The following RNF182 variants were observed in gnomAD, a reference collection of about 807,000 sequenced individuals.
The protein encoded by RNF182 is ring finger protein 182.
RNF182 carries 15 observed loss-of-function variants against 14.4 expected under a neutral mutation model. The observed-to-expected ratio is 1.04, with a 90% confidence interval of 0.70 to 1.60. The LOEUF (loss-of-function observed/expected upper bound fraction) is 1.60. RNF182 is among the 40% of genes most tolerant of loss of function. RNF182 has a pLI of 0.00. For missense variants in RNF182, 268 were observed against 294.8 expected, an observed-to-expected ratio of 0.91 and a Z score of 0.67; for synonymous variants, 128 against 122.9, an observed-to-expected ratio of 1.04 and a Z score of -0.27.
At chr6:13,929,944 A>G (rs1442404290) in intron 1 of RNF182, among the ~76,000 whole-genome samples, 5 of 152,214 alleles carry the variant, frequency 3.3e-5, no homozygotes, top group Admixed American at 1.3e-4. Context: ...ATGTACCAGT[A>G]TTCTTTTCTG....
chr6:13,976,837 C>T, intron 2 of RNF182, 72 bp from the exon 3 acceptor site: 1 of 359,110 alleles, frequency 2.8e-6, no homozygotes, highest in Non-Finnish European at 5.0e-6. Context: ...CAGAAAATTC[C>T]ATAAAGCACT....
rs1172173635 is a variant in RNF182 at position 13,980,161 on chromosome 6, G to C, written c.*2298G>C. On this transcript the variant is annotated 3_prime_UTR_variant, in exon 3 of 3. Coordinates refer to ENST00000488300, the MANE Select transcript of RNF182 (RefSeq NM_152737.4). ...AAGACTTCAGAACTTTCCAACAAAG[G>C]GGACCTAACCCATCACACTTTTAAA... 1 of 151,644 alleles carries C rather than the reference G, an allele frequency of 6.6e-6. No homozygotes were observed. Among genetic ancestry groups the C allele is most frequent in the African/African-American group, 2.4e-5 (1 of 41,288 alleles). 9.4% of individuals were successfully genotyped at this position (151,644 alleles called of 1,614,324 possible).
In RNF182 at chr6:13,929,929, G is replaced by A. The variant is rs140722462; in HGVS notation, c.-367+4906G>A. 3.4e-3 allele frequency among the ~76,000 whole-genome samples: 521 copies of A among 152,220 alleles called. 3 individuals carry two copies. Among genetic ancestry groups the A allele is most frequent in the African/African-American group, 0.011 (456 of 41,530 alleles). ...AAGAAGCATTTCTTCATAGCATATT[G>A]TGACATGTACCAGTATTCTTTTCTG... On this transcript the variant is annotated intron_variant, in intron 1 of 2. Coordinates refer to ENST00000488300, the MANE Select transcript of RNF182 (RefSeq NM_152737.4).
chr6:13,950,736 A>G (rs1759568764), intron 1 of RNF182, among the ~76,000 whole-genome samples: 1 of 151,644 alleles, frequency 6.6e-6, no homozygotes, highest in South Asian at 2.1e-4. Context: ...ATCTCAGGTA[A>G]TCTGCCTGCC....
At chr6:13,964,678 G>C (rs535494612) in intron 1 of RNF182, among the ~76,000 whole-genome samples, 1 of 152,216 alleles carries the variant, frequency 6.6e-6, no homozygotes, top group South Asian at 2.1e-4. Flanking sequence ...GGCTGGTACC[G>C]AGGGCTGGCA....
chr6:13,943,737 G>A (rs1272754919), intron 1 of RNF182, among the ~76,000 whole-genome samples: 8 of 152,152 alleles, frequency 5.3e-5, no homozygotes, highest in Admixed American at 5.2e-4. Flanking sequence ...TTTTAAAAAT[G>A]ATAAGACATA....
In RNF182 at chr6:13,978,235, CAA is replaced by C. The variant is rs1760394207; in HGVS notation, c.*373_*374del. On this transcript the variant is annotated 3_prime_UTR_variant, in exon 3 of 3. Coordinates refer to ENST00000488300, the MANE Select transcript of RNF182 (RefSeq NM_152737.4). ...GATGTTCTATGATGGCAGTTGGACA[CAA>C]GAGGAAAGTTGCTCTGAGACACAAA... 5.3e-6 allele frequency: 1 copy of C among 189,502 alleles called. No homozygotes were observed. The highest frequency in any genetic ancestry group is 2.4e-5 in the African/African-American group (1 of 41,986). 11.7% of individuals were successfully genotyped at this position (189,502 alleles called of 1,614,324 possible).
chr6:13,953,990 T>C (rs1308076856), intron 1 of RNF182, among the ~76,000 whole-genome samples: 1 of 152,196 alleles, frequency 6.6e-6, no homozygotes, highest in Non-Finnish European at 1.5e-5. Context: ...AGAGAAAGCT[T>C]TGCTAATGAT....
In RNF182 at chr6:13,936,457, G is replaced by A. The variant is rs573034733; in HGVS notation, c.-367+11434G>A. Among the ~76,000 whole-genome samples the A allele has an allele frequency of 4.6e-5, 7 of 152,294 alleles. No individual in the cohort carries two copies. The East Asian group carries it at 5.8e-4, about 13-fold the overall frequency. On this transcript the variant is annotated intron_variant, in intron 1 of 2. Coordinates refer to ENST00000488300, the MANE Select transcript of RNF182 (RefSeq NM_152737.4). ...TGGTCTGCAGTAAATTTACATGGTC[G>A]TGGTTGATTGGTCTATAAATATAAA...
At chr6:13,942,489 G>A (rs377413130) in intron 1 of RNF182, among the ~76,000 whole-genome samples, 7 of 152,032 alleles carry the variant, frequency 4.6e-5, no homozygotes, top group South Asian at 2.1e-4. Flanking sequence ...CTGACTACAC[G>A]TGCCACCACA....
At chr6:13,965,333 C>G (rs1172220107) in intron 1 of RNF182, among the ~76,000 whole-genome samples, 1 of 151,874 alleles carries the variant, frequency 6.6e-6, no homozygotes, top group Non-Finnish European at 1.5e-5. Flanking sequence ...AAAATAGATC[C>G]AGGAAATATA....
At chr6:13,964,918 G>C (rs554299125) in intron 1 of RNF182, among the ~76,000 whole-genome samples, 2 of 152,300 alleles carry the variant, frequency 1.3e-5, no homozygotes, top group African/African-American at 4.8e-5. Flanking sequence ...CTAGATCACA[G>C]GAGAAGAGAC....
At chr6:13,934,569 T>C (rs938814205) in intron 1 of RNF182, among the ~76,000 whole-genome samples, 1 of 152,228 alleles carries the variant, frequency 6.6e-6, no homozygotes. Context: ...CCAAAGGTGG[T>C]GCAGTGAGGT....
In RNF182 at chr6:13,977,407, A is replaced by G; in HGVS notation, c.288A>G (p.Lys96=). Residue 96 remains lysine, a synonymous_variant, in exon 3 of 3, where the codon AAA becomes AAG. Coordinates refer to ENST00000488300, the MANE Select transcript of RNF182 (RefSeq NM_152737.4). ...NILVNLTCGG[K]GKKCLPENPT... The stretch of plus-strand genomic sequence containing the variant: ...TTGTAAACTTGACTTGTGGAGGCAA[A>G]GGGAAGAAGTGCCTGCCAGAGAACC... 1 of 1,614,122 alleles carries G rather than the reference A, an allele frequency of 6.2e-7. No homozygotes were observed. The highest frequency in any genetic ancestry group is 8.5e-7 in the Non-Finnish European group (1 of 1,180,006).
intron 1 of RNF182, among the ~76,000 whole-genome samples, chr6:13,973,634 C>T (rs529095688): frequency 3.9e-5 from 6 of 152,130 alleles, no homozygotes; most frequent in Admixed American, 6.5e-5. Context: ...TCTTGCCTGC[C>T]GCCATGTAAG....
intron 1 of RNF182, among the ~76,000 whole-genome samples, chr6:13,928,103 G>A (rs569294648): frequency 7.9e-5 from 12 of 152,148 alleles, no homozygotes; most frequent in South Asian, 2.1e-4. Flanking sequence ...TTTTGTGGAC[G>A]TGTGTTTCAT....
chr6:13,976,973 C>T lies in RNF182; in HGVS notation c.-147C>T. On this transcript the variant is annotated 5_prime_UTR_variant, in exon 3 of 3. Transcript: ENST00000488300. ...AGTTATATGCAGAAGTTGAAAATGC[C>T]TGGAAGATTTCTGGTTTCTTTCACT... 1 of 824,398 alleles carries T rather than the reference C, an allele frequency of 1.2e-6. No homozygotes were observed. Among genetic ancestry groups the T allele is most frequent in the Non-Finnish European group, 1.9e-6 (1 of 518,058 alleles). The allele number at this position is 824,398 out of a possible 1,614,324, so 51.1% of individuals were successfully genotyped here.
intron 1 of RNF182, among the ~76,000 whole-genome samples, chr6:13,943,606 T>G (rs1378044506): frequency 6.6e-6 from 1 of 152,166 alleles, no homozygotes; most frequent in Non-Finnish European, 1.5e-5. Flanking sequence ...GAATTACAAA[T>G]TTTTTGAGGA....
At position 13,977,641 on chromosome 6, in the gene RNF182, G is replaced by A. The variant is rs114884830; in HGVS notation, c.522G>A (p.Thr174=). ...ACAACTGGACTGTGTGGAACTGCAC[G>A]TCCCTGCTGTTTCAGACATCCATCC... ...VSHNWTVWNC[T]SLLFQTSIRV... The change falls in exon 3 of 3, where the codon ACG becomes ACA. Residue 174 remains threonine (T), a synonymous_variant. Transcript: ENST00000488300. 3,492 of 1,614,162 alleles carry A rather than the reference G, an allele frequency of 2.2e-3. 69 individuals are homozygous for A. In the African/African-American group the frequency reaches 0.039, roughly 18 times the overall value.
Sources: gnomAD v4.1 joint callset for allele counts (sites outside exome capture counted in the v4.1 genomes callset) on GRCh38, gnomAD v4.1.1 for gene constraint, MANE v1.5 for transcripts, NCBI Gene and HGNC (gene_info 2026-07-23, HGNC 2026-07-21) for gene names.